IRGM: variants seen among roughly 807,000 people sequenced by gnomAD.
The protein encoded by IRGM is immunity related GTPase M, also known as immunity-related GTPase family M protein.
For missense variants in IRGM, 288 were observed against 219.9 expected, an observed-to-expected ratio of 1.31 and a Z score of -1.96; for synonymous variants, 98 against 80.6, an observed-to-expected ratio of 1.22 and a Z score of -1.16.
intron 1 of IRGM, among the ~76,000 whole-genome samples, chr5:150,856,757 A>T (rs2113257839): frequency 6.6e-6 from 1 of 151,670 alleles, no homozygotes. Flanking sequence ...GGTGTGAGCC[A>T]CTGCATGGGG....
In IRGM at chr5:150,848,191, A is replaced by G. The variant is rs1322491414; in HGVS notation, c.68A>G (p.Lys23Arg). Residue 23 changes from lysine (K) to arginine (R), a missense_variant, in exon 2 of 2, where the codon AAG becomes AGG. Coordinates refer to ENST00000522154, the MANE Select transcript of IRGM (RefSeq NM_001145805.2). ...GNLPEVISNIKETLKIVSRTP... is the reference protein window; with the variant it reads ...GNLPEVISNIRETLKIVSRTP... ...TTGCCAGAGGTGATCTCTAACATCA[A>G]GGAGACTCTGAAGATAGTGTCCAGG... The G allele has an allele frequency of 6.4e-7, 1 of 1,551,638 alleles. No homozygotes were observed. Among genetic ancestry groups the G allele is most frequent in the Non-Finnish European group, 8.7e-7 (1 of 1,146,918 alleles).
At chr5:150,894,517 A>G (rs10515643) in intron 3 of IRGM, 6,735 of 152,394 alleles carry the variant, frequency 0.044, 198 homozygotes, top group East Asian at 0.16. Context: ...AAAATGAGCC[A>G]CTTATAGGGA....
At chr5:150,861,184 A>T (rs975725000) in intron 1 of IRGM, among the ~76,000 whole-genome samples, 3 of 152,176 alleles carry the variant, frequency 2.0e-5, no homozygotes, top group Admixed American at 6.5e-5. Context: ...TGGAATGTGT[A>T]CGATGGTGGC....
chr5:150,885,725 T>G (rs1202027814), intron 3 of IRGM, among the ~76,000 whole-genome samples: 1 of 152,114 alleles, frequency 6.6e-6, no homozygotes, highest in Non-Finnish European at 1.5e-5. Context: ...TTGGCTGTTG[T>G]TGGTGTATAG....
At chr5:150,872,931 A>G (rs893995438) in intron 1 of IRGM, among the ~76,000 whole-genome samples, 1 of 152,238 alleles carries the variant, frequency 6.6e-6, no homozygotes, top group Non-Finnish European at 1.5e-5. Flanking sequence ...TCGTGAGGGC[A>G]GCATCTGCAT....
intron 1 of IRGM, among the ~76,000 whole-genome samples, chr5:150,864,590 C>T (rs79155428): frequency 6.6e-6 from 1 of 152,188 alleles, no homozygotes; most frequent in Non-Finnish European, 1.5e-5. Context: ...GAGGCACACC[C>T]TGGAATGGTA....
At chr5:150,873,344 C>T (rs898737654) in intron 1 of IRGM, among the ~76,000 whole-genome samples, 5 of 152,188 alleles carry the variant, frequency 3.3e-5, no homozygotes, top group African/African-American at 1.2e-4. Context: ...GTTTACAGAC[C>T]TAGAACCCCT....
chr5:150,867,288 C>T (rs1754221269), intron 1 of IRGM, among the ~76,000 whole-genome samples: 6 of 152,198 alleles, frequency 3.9e-5, no homozygotes, highest in Admixed American at 3.9e-4. Flanking sequence ...ATAATGGTCT[C>T]CAACTCCATC....
chr5:150,901,038 A>C (rs1754978883), downstream of IRGM, among the ~76,000 whole-genome samples: 1 of 152,106 alleles, frequency 6.6e-6, no homozygotes, highest in Non-Finnish European at 1.5e-5. Flanking sequence ...AAGTGATGGA[A>C]GAAATGAAAG....
At chr5:150,898,022 A>G (rs1754855080) in intron 3 of IRGM, 1 of 1,593,870 alleles carries the variant, frequency 6.3e-7, no homozygotes, top group Non-Finnish European at 8.5e-7. Context: ...AACCTCAGGC[A>G]CCAATCAATT....
chr5:150,870,386 T>G (rs1754266233), intron 1 of IRGM, among the ~76,000 whole-genome samples: 1 of 152,130 alleles, frequency 6.6e-6, no homozygotes, highest in Non-Finnish European at 1.5e-5. Flanking sequence ...GGTACCAGCT[T>G]GAGCTATCTT....
In IRGM at chr5:150,882,282, A is replaced by G. The variant is rs377590089; in HGVS notation, c.*140+2636A>G. 4.2e-3 allele frequency among the ~76,000 whole-genome samples: 415 copies of G among 99,660 alleles called. 2 individuals are homozygous for G. Among genetic ancestry groups the G allele is most frequent in the African/African-American group, 0.031 (399 of 12,870 alleles). The allele number at this position is 99,660 out of a possible 152,430, so 65.4% of individuals were successfully genotyped here. ...CTGTAAAGAAAATCACCTAACCACT[A>G]AAAAAGATAGCAAGAGAGGAAGAAA... On this transcript the variant is annotated intron_variant and NMD_transcript_variant, in intron 3 of 3. Transcript: ENST00000520549.
downstream of IRGM, among the ~76,000 whole-genome samples, chr5:150,850,881 C>T (rs927990133): frequency 2.0e-5 from 3 of 152,148 alleles, no homozygotes; most frequent in Non-Finnish European, 2.9e-5. Flanking sequence ...GAGGCAAAGA[C>T]GGATGAAGGA....
At chr5:150,873,350 C>T (rs930343964) in intron 1 of IRGM, among the ~76,000 whole-genome samples, 5 of 152,200 alleles carry the variant, frequency 3.3e-5, no homozygotes, top group Non-Finnish European at 7.4e-5. Context: ...AGACCTAGAA[C>T]CCCTTCAATG....
At chr5:150,869,074 G>A (rs1754246216) in intron 1 of IRGM, among the ~76,000 whole-genome samples, 2 of 152,084 alleles carry the variant, frequency 1.3e-5, no homozygotes, top group Admixed American at 1.3e-4. Flanking sequence ...TTCTCAGGGG[G>A]AATTCTTTCA....
In IRGM at chr5:150,887,749, T is replaced by C. The variant is rs1226201833; in HGVS notation, c.*140+8103T>C. ...CTTCATCAGGCTAACAGTGGACCTC[T>C]CAGCTGAAACCTTACAAGCCAGGAA... On this transcript the variant is annotated intron_variant and NMD_transcript_variant, in intron 3 of 3. Coordinates refer to the IRGM transcript ENST00000520549. 2.6e-5 allele frequency among the ~76,000 whole-genome samples: 4 copies of C among 151,506 alleles called. No homozygotes were observed. The East Asian group carries it at 7.7e-4, about 29-fold the overall frequency.
chr5:150,902,318 G>T (rs541412320), downstream of IRGM, among the ~76,000 whole-genome samples: 1 of 152,232 alleles, frequency 6.6e-6, no homozygotes, highest in African/African-American at 2.4e-5. Context: ...AGATTTGCCA[G>T]ATAAATATAA....
At chr5:150,875,101 C>T (rs761919971) in intron 1 of IRGM, among the ~76,000 whole-genome samples, 2 of 152,196 alleles carry the variant, frequency 1.3e-5, no homozygotes, top group African/African-American at 2.4e-5. Flanking sequence ...TTATGTACTC[C>T]ACTCCTGCAA....
intron 1 of IRGM, among the ~76,000 whole-genome samples, chr5:150,872,215 T>G (rs550886183): frequency 6.6e-6 from 1 of 152,244 alleles, no homozygotes; most frequent in African/African-American, 2.4e-5. Context: ...GCATTCCTGA[T>G]GAAGCTGGGG....
Sources: allele counts gnomAD v4.1 joint callset (sites outside exome capture counted in the v4.1 genomes callset), GRCh38; gene constraint gnomAD v4.1.1; transcripts MANE v1.5; gene names NCBI Gene and HGNC (gene_info 2026-07-23, HGNC 2026-07-21).